Variants in LARGE1 observed in about 807,000 individuals in gnomAD.
LARGE1 encodes xylosyl- and glucuronyltransferase LARGE1.
A neutral mutation model predicts 87.6 loss-of-function variants in LARGE1; 43 were observed. The observed-to-expected ratio is 0.49, with a 90% confidence interval of 0.38 to 0.63. LARGE1 has a LOEUF of 0.63. Among genes scored for constraint, LARGE1 ranks in the 30% least tolerant of loss-of-function variants. LARGE1 has a pLI of 0.00. For missense variants in LARGE1, 802 were observed against 1,000.2 expected (o/e 0.80, Z 2.67); for synonymous variants, 434 against 394.6 (o/e 1.10, Z -1.18).
chr22:33,447,321 C>T (rs1229057687), intron 6 of LARGE1, among the ~76,000 whole-genome samples: 1 of 152,184 alleles, frequency 6.6e-6, no homozygotes, highest in Non-Finnish European at 1.5e-5. Context: ...GATGGATACA[C>T]AAGCATGGAG....
At chr22:33,856,839 C>CCTTTA (rs2063769174) in intron 1 of LARGE1, 1 of 152,202 alleles carries the variant, frequency 6.6e-6, no homozygotes, top group South Asian at 2.1e-4. Flanking sequence ...GGTTAGTTGT[C>CCTTTA]AGATGAACCT....
rs977194939 is a variant in LARGE1 at position 33,273,803 on chromosome 22, C to T, written c.*624G>A. On this transcript the variant is annotated 3_prime_UTR_variant, in exon 15 of 15. Coordinates refer to ENST00000397394, the MANE Select transcript of LARGE1 (RefSeq NM_133642.5). ...TGCCAGCCCCAAAAATAAACAAAAC[C>T]CCCAAAGAAAAACAAAACAAAACAG... 3 of 395,584 alleles carry T rather than the reference C, an allele frequency of 7.6e-6. No homozygotes were observed. Among genetic ancestry groups the T allele is most frequent in the South Asian group, 1.4e-4 (1 of 7,038 alleles). 24.5% of individuals were successfully genotyped at this position (395,584 alleles called of 1,614,324 possible).
intron 7 of LARGE1, among the ~76,000 whole-genome samples, chr22:33,388,578 T>C (rs1369861499): frequency 2.0e-5 from 3 of 152,042 alleles, no homozygotes; most frequent in African/African-American, 7.2e-5. Context: ...AATTTTTTTA[T>C]TTTTTTAGAC....
intron 7 of LARGE1, among the ~76,000 whole-genome samples, chr22:33,427,494 A>T (rs1039447870): frequency 2.0e-5 from 3 of 152,220 alleles, no homozygotes; most frequent in African/African-American, 7.2e-5. Context: ...GGGGAAACTG[A>T]CTGACTCTTG....
intron 6 of LARGE1, among the ~76,000 whole-genome samples, chr22:33,563,916 A>C (rs1425476619): frequency 6.6e-6 from 1 of 152,192 alleles, no homozygotes; most frequent in Non-Finnish European, 1.5e-5. Context: ...AGGGCAAGCA[A>C]GGAAATTTAC....
chr22:33,840,973 T>C (rs1330140846), intron 1 of LARGE1, among the ~76,000 whole-genome samples: 4 of 152,228 alleles, frequency 2.6e-5, no homozygotes, highest in Admixed American at 2.6e-4. Context: ...CAATAGAAAC[T>C]ATACTTGAGT....
intron 7 of LARGE1, among the ~76,000 whole-genome samples, chr22:33,423,293 A>C (rs1369043480): frequency 1.3e-5 from 2 of 152,112 alleles, no homozygotes; most frequent in African/African-American, 4.8e-5. Flanking sequence ...CCTGACCATT[A>C]CACGTTGAAG....
At chr22:33,623,402 T>A (rs1345605032) in intron 4 of LARGE1, among the ~76,000 whole-genome samples, 2 of 152,202 alleles carry the variant, frequency 1.3e-5, no homozygotes, top group Non-Finnish European at 2.9e-5. Context: ...GGTGTTTCCA[T>A]TTCCTCTTCA....
intron 6 of LARGE1, among the ~76,000 whole-genome samples, chr22:33,537,967 G>C (rs1337390901): frequency 1.3e-5 from 2 of 152,158 alleles, no homozygotes; most frequent in Admixed American, 6.5e-5. Context: ...GAAAGAGGAG[G>C]ACCTGCGATT....
At chr22:33,213,560 C>T (rs375019223) in intron 11 of LARGE1, among the ~76,000 whole-genome samples, 7 of 152,286 alleles carry the variant, frequency 4.6e-5, no homozygotes, top group East Asian at 1.9e-4. Context: ...TTCCAGCAAC[C>T]GCCAACCTGT....
chr22:33,186,375 C>T (rs76881298), intron 11 of LARGE1, among the ~76,000 whole-genome samples: 2 of 152,046 alleles, frequency 1.3e-5, no homozygotes, highest in Non-Finnish European at 2.9e-5. Context: ...GAAGTAGCTA[C>T]TGCATTAACA....
chr22:33,487,550 A>C (rs1050723332), intron 6 of LARGE1, among the ~76,000 whole-genome samples: 4 of 152,148 alleles, frequency 2.6e-5, no homozygotes, highest in Admixed American at 2.6e-4. Context: ...CCAGCTGCCA[A>C]GCTGGGTAAT....
At chr22:33,674,201 C>T (rs1238395276) in intron 2 of LARGE1, among the ~76,000 whole-genome samples, 1 of 152,158 alleles carries the variant, frequency 6.6e-6, no homozygotes, top group Non-Finnish European at 1.5e-5. Flanking sequence ...GCCTCGGCCT[C>T]CCAAAGTGCT....
intron 1 of LARGE1, among the ~76,000 whole-genome samples, chr22:33,883,632 C>G (rs1425132529): frequency 6.6e-6 from 1 of 152,262 alleles, no homozygotes; most frequent in South Asian, 2.1e-4. Flanking sequence ...GGGGCTTGCG[C>G]CCTTCCAGGC....
At chr22:33,124,728 G>A in the LARGE1 span, among the ~76,000 whole-genome samples, 2 of 152,190 alleles carry the variant, frequency 1.3e-5, no homozygotes, top group African/African-American at 4.8e-5. Flanking sequence ...AAGGCTGGGC[G>A]TGGTGGCTCA....
chr22:33,803,985 G>GC, intron 1 of LARGE1, among the ~76,000 whole-genome samples: 1 of 152,312 alleles, frequency 6.6e-6, no homozygotes, highest in Admixed American at 6.5e-5. Context: ...CTCGTAAGCA[G>GC]GCCTGTTGAA....
intron 1 of LARGE1, among the ~76,000 whole-genome samples, chr22:33,808,064 C>T (rs1414029866): frequency 3.9e-5 from 6 of 152,196 alleles, no homozygotes; most frequent in Non-Finnish European, 8.8e-5. Context: ...TGTTTAGTTG[C>T]ATATGAAATT....
At chr22:33,324,918 G>A (rs1937108315) in intron 10 of LARGE1, among the ~76,000 whole-genome samples, 1 of 64,272 alleles carries the variant, frequency 1.6e-5, no homozygotes, top group South Asian at 4.7e-4. Flanking sequence ...GTCAGGTAAA[G>A]TGGGGAGAGC....
intron 6 of LARGE1, among the ~76,000 whole-genome samples, chr22:33,510,600 G>T (rs1311054963): frequency 6.6e-6 from 1 of 152,170 alleles, no homozygotes; most frequent in Non-Finnish European, 1.5e-5. Context: ...TTTGAGACAG[G>T]ATCTAACTCC....
Sources: gnomAD v4.1 joint callset for allele counts (sites outside exome capture counted in the v4.1 genomes callset) on GRCh38, gnomAD v4.1.1 for gene constraint, MANE v1.5 for transcripts, NCBI Gene and HGNC (gene_info 2026-07-23, HGNC 2026-07-21) for gene names.